The following NELL2 variants were observed in gnomAD, a reference collection of about 807,000 sequenced individuals.
The protein encoded by NELL2 is protein kinase C-binding protein NELL2.
Under a neutral mutation model 109.6 loss-of-function variants are expected in NELL2, and 41 were observed. The observed-to-expected ratio is 0.37, with a 90% confidence interval of 0.29 to 0.49. The LOEUF is 0.49. Among genes scored for constraint, NELL2 ranks in the 20% least tolerant of loss-of-function variants. The pLI is 0.98. For missense variants in NELL2, 900 were observed against 1,008.3 expected (o/e 0.89, Z 1.45); for synonymous variants, 355 against 344.7 (o/e 1.03, Z -0.33).
intron 15 of NELL2, among the ~76,000 whole-genome samples, chr12:44,562,713 TTGG>T (rs1262455289): frequency 6.6e-6 from 1 of 152,234 alleles, no homozygotes; most frequent in Non-Finnish European, 1.5e-5. Context: ...TTTTACACTG[TTGG>T]TGGGAGTGTA....
At chr12:44,776,992 A>G (rs755623972) in intron 7 of NELL2, 50 bp downstream of exon 7, 5 of 1,480,478 alleles carry the variant, frequency 3.4e-6, no homozygotes. Context: ...AAGTATTGGG[A>G]ACATCAAGGA....
intron 9 of NELL2, among the ~76,000 whole-genome samples, chr12:44,774,119 T>A (rs1941656898): frequency 6.6e-6 from 1 of 152,228 alleles, no homozygotes; most frequent in African/African-American, 2.4e-5. Flanking sequence ...GAAACATAAA[T>A]AAATTATTTC....
At chr12:44,526,194 T>C (rs1941765163) in intron 16 of NELL2, among the ~76,000 whole-genome samples, 1 of 152,084 alleles carries the variant, frequency 6.6e-6, no homozygotes, top group East Asian at 1.9e-4. Context: ...TCCCTTTGGG[T>C]TCATTTTGGA....
chr12:44,563,536 C>G (rs184282645), intron 15 of NELL2, among the ~76,000 whole-genome samples: 2 of 152,016 alleles, frequency 1.3e-5, no homozygotes, highest in Non-Finnish European at 2.9e-5. Context: ...AGGGTGGCAC[C>G]GCTTAGCTAA....
At position 44,610,933 on chromosome 12, in the gene NELL2, A is replaced by G. The variant is rs1945596045; in HGVS notation, c.1482T>C (p.Asp494=). The G allele has an allele frequency of 6.2e-7, 1 of 1,612,918 alleles. No individual in the cohort carries two copies. ...DECITNQHNC[D]ENALCFNTVG... is the part of the protein sequence containing the mutation. ...CAGTGTTGAAGCATAAAGCATTTTC[A>G]TCACAGTTGTGCTGATTTGTGATAC... Residue 494 remains aspartate, a synonymous_variant, in exon 14 of 20, where the codon GAT becomes GAC. Transcript: ENST00000429094.
chr12:44,886,759 T>A lies in NELL2; in HGVS notation c.39-10859A>T, dbSNP rs145585892. 5.5e-4 allele frequency among the ~76,000 whole-genome samples: 84 copies of A among 152,144 alleles called. 1 individual carries two copies. The highest frequency in any genetic ancestry group is 2.0e-3 in the African/African-American group (84 of 41,400). ...ATCTATGTTAACACTAAGTCTTATT[T>A]CTTGTGTCCAATCATATATTTGTAC... is the stretch of plus-strand genomic sequence containing the variant. On this transcript the variant is annotated intron_variant, in intron 1 of 20. Coordinates refer to the NELL2 transcript ENST00000333837.
At chr12:44,746,478 C>A (rs1210676312) in intron 9 of NELL2, among the ~76,000 whole-genome samples, 1 of 152,126 alleles carries the variant, frequency 6.6e-6, no homozygotes, top group Non-Finnish European at 1.5e-5. Flanking sequence ...AGCTTCTGCA[C>A]AGCAAAAGAA....
At chr12:44,778,455 T>C (rs1941832834) in intron 5 of NELL2, among the ~76,000 whole-genome samples, 1 of 152,166 alleles carries the variant, frequency 6.6e-6, no homozygotes, top group South Asian at 2.1e-4. Flanking sequence ...TTATGCACTG[T>C]ACAACTCTAA....
chr12:44,721,501 C>T (rs1767264203), intron 9 of NELL2, among the ~76,000 whole-genome samples: 1 of 152,168 alleles, frequency 6.6e-6, no homozygotes, highest in Non-Finnish European at 1.5e-5. Context: ...CATATTGTCA[C>T]TTTCAAAGTT....
At chr12:44,636,608 C>A (rs1946644681) in intron 13 of NELL2, among the ~76,000 whole-genome samples, 1 of 152,164 alleles carries the variant, frequency 6.6e-6, no homozygotes, top group African/African-American at 2.4e-5. Flanking sequence ...TATGTCGAAC[C>A]AGCCTTGCAT....
Position 44,579,906 on chromosome 12 carries a change from C to T in NELL2, c.1663+27263G>A, listed in dbSNP as rs144887918. ...ATTTCAATGGCTTTCTGAGAGAGTGCATCAAATGACATAATGTATTCTGTA... is the reference window on the plus strand; with the variant it reads ...ATTTCAATGGCTTTCTGAGAGAGTGTATCAAATGACATAATGTATTCTGTA... On this transcript the variant is annotated intron_variant, in intron 15 of 19. Transcript: ENST00000429094. Among the ~76,000 whole-genome samples, 176 of 152,240 alleles carry T rather than the reference C, an allele frequency of 1.2e-3. 1 individual carries two copies. Among genetic ancestry groups the T allele is most frequent in the African/African-American group, 3.8e-3 (158 of 41,548 alleles).
chr12:44,844,582 G>A (rs758082334), intron 2 of NELL2, among the ~76,000 whole-genome samples: 7 of 152,180 alleles, frequency 4.6e-5, no homozygotes, highest in Admixed American at 6.5e-5. Flanking sequence ...AAACATGCTC[G>A]AATTTTTTTT....
intron 15 of NELL2, among the ~76,000 whole-genome samples, chr12:44,568,938 C>T (rs77922505): frequency 2.8e-3 from 428 of 152,104 alleles, no homozygotes; most frequent in African/African-American, 0.01. Context: ...CACAGGTAAA[C>T]TTGTGTCATG....
chr12:44,552,017 C>T (rs1943060555), intron 15 of NELL2, among the ~76,000 whole-genome samples: 1 of 152,094 alleles, frequency 6.6e-6, no homozygotes, highest in South Asian at 2.1e-4. Flanking sequence ...AGACTGGTCC[C>T]AGAAAAATGA....
At chr12:44,759,490 C>T (rs902398911) in intron 9 of NELL2, among the ~76,000 whole-genome samples, 3 of 152,098 alleles carry the variant, frequency 2.0e-5, no homozygotes, top group South Asian at 2.1e-4. Flanking sequence ...ATCTCAGCAT[C>T]GAAAAGTGAG....
chr12:44,660,270 A>G (rs949952820), intron 13 of NELL2, among the ~76,000 whole-genome samples: 1 of 152,174 alleles, frequency 6.6e-6, no homozygotes, highest in African/African-American at 2.4e-5. Flanking sequence ...GGATTTCCCA[A>G]CCTTGGGACT....
intron 1 of NELL2, among the ~76,000 whole-genome samples, chr12:44,908,251 T>C (rs1335201178): frequency 6.6e-6 from 1 of 151,998 alleles, no homozygotes; most frequent in Admixed American, 6.6e-5. Flanking sequence ...AGAAGAGTTG[T>C]ATTTAACCAA....
At chr12:44,707,771 A>G (rs1937966083) in intron 11 of NELL2, among the ~76,000 whole-genome samples, 2 of 152,192 alleles carry the variant, frequency 1.3e-5, no homozygotes. Context: ...AAATCTTTTA[A>G]AAGTGAGTCG....
At chr12:44,787,833 T>G (rs1942237241) in intron 3 of NELL2, among the ~76,000 whole-genome samples, 1 of 152,074 alleles carries the variant, frequency 6.6e-6, no homozygotes, top group Non-Finnish European at 1.5e-5. Context: ...AACTTAAATA[T>G]AAAATCTAAA....
Sources: allele counts gnomAD v4.1 joint callset (sites outside exome capture counted in the v4.1 genomes callset), GRCh38; gene constraint gnomAD v4.1.1; transcripts MANE v1.5; gene names NCBI Gene and HGNC (gene_info 2026-07-23, HGNC 2026-07-21).